Variants in RIC1 observed in about 807,000 individuals in gnomAD.
RIC1 encodes the protein guanine nucleotide exchange factor subunit RIC1.
Under a neutral mutation model 169.0 loss-of-function variants are expected in RIC1, and 88 were observed. The ratio of observed to expected loss-of-function variants is 0.52; its 90% confidence interval spans 0.44 to 0.62. RIC1 has a LOEUF of 0.62. RIC1 is among the 20% of genes least tolerant of loss of function. The pLI is 0.00. For missense variants in RIC1, 1,877 were observed against 1,725.5 expected (o/e 1.09, Z -1.56); for synonymous variants, 790 against 601.5 (o/e 1.31, Z -4.59).
At chr9:5,721,129 T>A (rs1210729374) in intron 6 of RIC1, among the ~76,000 whole-genome samples, 2 of 152,220 alleles carry the variant, frequency 1.3e-5, no homozygotes, top group Non-Finnish European at 2.9e-5. Context: ...CTTCCCTGCT[T>A]CCACCATACT....
At chr9:5,766,899 G>A (rs1463108244) in intron 21 of RIC1, among the ~76,000 whole-genome samples, 1 of 152,156 alleles carries the variant, frequency 6.6e-6, no homozygotes, top group East Asian at 1.9e-4. Context: ...TCTACTTTTG[G>A]TTATTGAGGG....
Position 5,713,998 on chromosome 9 carries a change from C to A in RIC1, c.435C>A (p.Ile145=), listed in dbSNP as rs1481575213. ...MRKILDLQAP[I]MSLQSVLEDL... ...AAATACTGGATTTACAAGCACCCAT[C>A]ATGAGGTACAGTACTTTGGTTAAAT... Residue 145 remains isoleucine, a synonymous_variant, in exon 4 of 26, where the codon ATC becomes ATA. Coordinates refer to ENST00000414202, the MANE Select transcript of RIC1 (RefSeq NM_020829.4). 2 of 1,602,522 alleles carry A rather than the reference C, an allele frequency of 1.2e-6. No homozygotes were observed. The highest frequency in any genetic ancestry group is 1.3e-5 in the African/African-American group (1 of 74,658).
chr9:5,703,107 CCATTCCAG>C (rs1473025044), intron 3 of RIC1, among the ~76,000 whole-genome samples: 1 of 152,124 alleles, frequency 6.6e-6, no homozygotes, highest in Admixed American at 6.5e-5. Flanking sequence ...AAGTCTGAAC[CCATTCCAG>C]CATTAACTCA....
chr9:5,674,899 T>C (rs1315076068), intron 2 of RIC1, among the ~76,000 whole-genome samples: 1 of 152,236 alleles, frequency 6.6e-6, no homozygotes, highest in East Asian at 1.9e-4. Flanking sequence ...AACTTCTAAA[T>C]TGATTGAGAC....
chr9:5,671,199 A>T (rs1202800242), intron 2 of RIC1, among the ~76,000 whole-genome samples: 1 of 152,026 alleles, frequency 6.6e-6, no homozygotes, highest in Admixed American at 6.5e-5. Context: ...CAAAAATATC[A>T]GTGACCTTTC....
At chr9:5,746,740 T>C (rs1825401508) in intron 11 of RIC1, among the ~76,000 whole-genome samples, 1 of 152,198 alleles carries the variant, frequency 6.6e-6, no homozygotes, top group African/African-American at 2.4e-5. Context: ...ATGGTATATG[T>C]TACATGTTAG....
At chr9:5,650,136 A>G (rs1382327089) in intron 1 of RIC1, among the ~76,000 whole-genome samples, 1 of 151,928 alleles carries the variant, frequency 6.6e-6, no homozygotes, top group African/African-American at 2.4e-5. Context: ...AGCAGGTTTA[A>G]TTGGGTTGAT....
At chr9:5,698,917 GA>G (rs1448552589) in intron 3 of RIC1, among the ~76,000 whole-genome samples, 43 of 152,290 alleles carry the variant, frequency 2.8e-4, no homozygotes, top group African/African-American at 1.0e-3. Flanking sequence ...GAGTGAACTA[GA>G]ATTTGAAGAA....
chr9:5,718,639 A>G (rs143246879), intron 4 of RIC1, among the ~76,000 whole-genome samples: 1 of 152,370 alleles, frequency 6.6e-6, no homozygotes, highest in African/African-American at 2.4e-5. Flanking sequence ...TTTTCATAGC[A>G]TATAGTAGTG....
At chr9:5,740,930 C>T (rs1019514113) in intron 8 of RIC1, among the ~76,000 whole-genome samples, 1 of 152,080 alleles carries the variant, frequency 6.6e-6, no homozygotes, top group Non-Finnish European at 1.5e-5. Flanking sequence ...AGTATTTTTG[C>T]CCACCATATC....
intron 3 of RIC1, among the ~76,000 whole-genome samples, chr9:5,693,173 G>A (rs983329259): frequency 6.6e-6 from 1 of 152,122 alleles, no homozygotes; most frequent in Non-Finnish European, 1.5e-5. Context: ...ACTGAGGCCA[G>A]TGGTTAATCA....
intron 6 of RIC1, among the ~76,000 whole-genome samples, chr9:5,729,150 C>T (rs1052690184): frequency 1.3e-5 from 2 of 152,148 alleles, no homozygotes; most frequent in Non-Finnish European, 1.5e-5. Flanking sequence ...GCTAGCGGGT[C>T]CAAATTCAAG....
chr9:5,673,803 T>C (rs914943670), intron 2 of RIC1, among the ~76,000 whole-genome samples: 25 of 151,994 alleles, frequency 1.6e-4, no homozygotes, highest in African/African-American at 4.8e-4. Flanking sequence ...TATATATTTA[T>C]CAGTTTAAAA....
chr9:5,633,934 A>G (rs1231511643), intron 1 of RIC1, among the ~76,000 whole-genome samples: 1 of 152,122 alleles, frequency 6.6e-6, no homozygotes, highest in African/African-American at 2.4e-5. Context: ...TCATCGTTCT[A>G]TTCTCTGTTC....
At chr9:5,754,772 A>G in intron 14 of RIC1, 69 bp from the exon 15 acceptor site, 2 of 917,782 alleles carry the variant, frequency 2.2e-6, no homozygotes, top group Non-Finnish European at 1.6e-6. Context: ...AAGAATTTTT[A>G]TAAATATATT....
chr9:5,757,535 A>G (rs777078246), intron 17 of RIC1, 84 bp downstream of exon 17: 14 of 1,417,442 alleles, frequency 9.9e-6, no homozygotes, highest in Non-Finnish European at 1.3e-5. Flanking sequence ...TTTGTTTGGC[A>G]AATAAATACT....
chr9:5,654,917 T>G (rs141805623), intron 1 of RIC1, among the ~76,000 whole-genome samples: 96 of 152,292 alleles, frequency 6.3e-4, no homozygotes, highest in Middle Eastern at 3.4e-3. Context: ...ATTTATTGAC[T>G]TTTGTATATT....
At chr9:5,743,054 T>TAAATG (rs771766663) in intron 9 of RIC1, 41 bp downstream of exon 9, 2 of 1,579,342 alleles carry the variant, frequency 1.3e-6, no homozygotes, top group South Asian at 2.3e-5. Flanking sequence ...ATAACTCCAT[T>TAAATG]ATTTCTCACA....
chr9:5,633,660 T>G (rs1010550182), intron 1 of RIC1, among the ~76,000 whole-genome samples: 1 of 152,162 alleles, frequency 6.6e-6, no homozygotes, highest in African/African-American at 2.4e-5. Context: ...ACCCTGTGAG[T>G]TGATAATCAC....
Sources: gnomAD v4.1 joint callset for allele counts (sites outside exome capture counted in the v4.1 genomes callset) on GRCh38, gnomAD v4.1.1 for gene constraint, MANE v1.5 for transcripts, NCBI Gene and HGNC (gene_info 2026-07-23, HGNC 2026-07-21) for gene names.